Variants in JAKMIP1 observed in about 807,000 individuals in gnomAD.
JAKMIP1 encodes the protein janus kinase and microtubule interacting protein 1.
Under a neutral mutation model 113.0 loss-of-function variants are expected in JAKMIP1, and 33 were observed. The observed-to-expected ratio is 0.29, with a 90% CI of 0.22 to 0.39. The LOEUF (loss-of-function observed/expected upper bound fraction) is 0.39. Ranked by LOEUF, JAKMIP1 falls within the 10% of genes least tolerant of loss-of-function variation. The probability of loss-of-function intolerance (pLI) is 1.00; values close to 1 mark genes in which losing one functional copy is unlikely to be tolerated. For synonymous variants in JAKMIP1, 480 were observed against 459.9 expected, an observed-to-expected ratio of 1.04 and a Z score of -0.56; for missense variants, 813 against 1,080.5, an observed-to-expected ratio of 0.75 and a Z score of 3.47.
At position 6,154,528 on chromosome 4, in the gene JAKMIP1, A is replaced by G. The variant is rs927976028; in HGVS notation, c.-147-41531T>C. On this transcript the variant is annotated intron_variant, in intron 1 of 20. Coordinates refer to ENST00000409021, the MANE Select transcript of JAKMIP1 (RefSeq NM_001099433.2). The surrounding 1 kb of genome is among the most constrained non-coding windows in gnomAD (Gnocchi z 4.2). ...AAAAAAAAAAAAGCAGGGGGGATAT[A>G]AAAGGAAGAGGATGCATTTCAGCCT... Among the ~76,000 whole-genome samples the G allele has an allele frequency of 2.0e-5, 3 of 151,848 alleles. No homozygotes were observed. The highest frequency in any genetic ancestry group is 4.4e-5 in the Non-Finnish European group (3 of 67,942).
Position 6,062,445 on chromosome 4 carries a change from A to T in JAKMIP1, c.1432-5T>A. 6.2e-7 allele frequency: 1 copy of T among 1,610,144 alleles called. No individual in the cohort carries two copies. Among genetic ancestry groups the T allele is most frequent in the Non-Finnish European group, 8.5e-7 (1 of 1,177,722 alleles). ...AGCCTCCTCTCGGGCTGTGGCCTTC[A>T]CATAATGGAGAAGAAAACAAATAAT... On this transcript the variant is annotated splice_polypyrimidine_tract_variant and splice_region_variant and intron_variant, in intron 9 of 20. Coordinates refer to ENST00000409021, the MANE Select transcript of JAKMIP1 (RefSeq NM_001099433.2).
intron 8 of JAKMIP1, among the ~76,000 whole-genome samples, chr4:6,075,837 A>C (rs1367342646): frequency 6.6e-6 from 1 of 152,232 alleles, no homozygotes; most frequent in African/African-American, 2.4e-5. Context: ...ATCACGATTC[A>C]ATTCCAACCC....
rs1398895242 is a variant in JAKMIP1 at position 6,197,059 on chromosome 4, C to T, written c.-148+3194G>A. 6.6e-6 allele frequency among the ~76,000 whole-genome samples: 1 copy of T among 152,202 alleles called. No homozygotes were observed. The highest frequency in any genetic ancestry group is 1.5e-5 in the Non-Finnish European group (1 of 68,034). The stretch of plus-strand genomic sequence containing the variant: ...CTCTGCGGTGTTCACGTAGACCTCA[C>T]CCTGTGTGGTGCCCGTGCAGCAAAG... On this transcript the variant is annotated intron_variant, in intron 1 of 20. Transcript: ENST00000409021. The surrounding 1 kb of genome is among the most constrained non-coding windows in gnomAD (Gnocchi z 6.5).
intron 1 of JAKMIP1, among the ~76,000 whole-genome samples, chr4:6,170,065 C>A (rs1724222052): frequency 1.1e-5 from 1 of 91,252 alleles, no homozygotes; most frequent in South Asian, 5.3e-4. Context: ...ACTCTCATCA[C>A]CATCATTACC....
rs1721772948 is a variant in JAKMIP1 at position 6,089,665 on chromosome 4, T to A, written c.625-4036A>T. Among the ~76,000 whole-genome samples, 1 of 152,116 alleles carries A rather than the reference T, an allele frequency of 6.6e-6. No individual in the cohort carries two copies. Among genetic ancestry groups the A allele is most frequent in the Non-Finnish European group, 1.5e-5 (1 of 68,030 alleles). On this transcript the variant is annotated intron_variant, in intron 3 of 20. Coordinates refer to ENST00000409021, the MANE Select transcript of JAKMIP1 (RefSeq NM_001099433.2). The surrounding 1 kb of genome is among the most constrained non-coding windows in gnomAD (Gnocchi z 5.3). ...AAGTCCACCAGGAAATGTATCTTAG[T>A]GAAAACAAGCCCACTGACCCATGAC...
rs556555510 is a variant in JAKMIP1 at position 6,135,527 on chromosome 4, C to A, written c.-147-22530G>T. On this transcript the variant is annotated intron_variant, in intron 1 of 20. Transcript: ENST00000409021. This position sits in a 1 kb window ranked among gnomAD's most constrained non-coding sequence, Gnocchi z 4.9. ...GACTGATACAGAGATGCTCCTTGAG[C>A]TGCCCGACCCCACTCCACGGACGGG... is the stretch of plus-strand genomic sequence containing the variant. Among the ~76,000 whole-genome samples the A allele has an allele frequency of 1.3e-3, 199 of 152,280 alleles. No homozygotes were observed. Among genetic ancestry groups the A allele is most frequent in the South Asian group, 4.6e-3 (22 of 4,816 alleles).
intron 1 of JAKMIP1, among the ~76,000 whole-genome samples, chr4:6,152,481 T>C (rs2108986494): frequency 6.6e-6 from 1 of 152,278 alleles, no homozygotes; most frequent in East Asian, 1.9e-4. Context: ...AGAGTTTGTG[T>C]CCGCACGAAT....
chr4:6,032,022 G>A (rs559968783), intron 19 of JAKMIP1, among the ~76,000 whole-genome samples: 135 of 152,272 alleles, frequency 8.9e-4, no homozygotes, highest in African/African-American at 2.4e-3. Flanking sequence ...CATGCAGGGC[G>A]GCCGAGTGCT....
At chr4:6,124,820 T>C (rs1717182460) in intron 1 of JAKMIP1, among the ~76,000 whole-genome samples, 1 of 152,222 alleles carries the variant, frequency 6.6e-6, no homozygotes, top group Non-Finnish European at 1.5e-5. Flanking sequence ...CCACACCTCT[T>C]TGGGGCAAAC....
At chr4:6,110,150 C>T (rs1406974250) in intron 2 of JAKMIP1, among the ~76,000 whole-genome samples, 2 of 152,188 alleles carry the variant, frequency 1.3e-5, no homozygotes, top group South Asian at 2.1e-4. Context: ...GAAGTCCTAA[C>T]CCCCATGACC....
In JAKMIP1 at chr4:6,084,872, G is replaced by A. The variant is rs1295444685; in HGVS notation, c.928C>T (p.Leu310=). ...AGTTCATTCCTCTCATCTGCCAACA[G>A]CGTATTTCTGTCTTCCAGCTTCCGT... ...VIRKLEDRNT[L]LADERNELLK... is the part of the protein sequence containing the mutation. The change falls in exon 5 of 21, where the codon CTG becomes TTG. Residue 310 remains leucine, a synonymous_variant. Coordinates refer to ENST00000409021, the MANE Select transcript of JAKMIP1 (RefSeq NM_001099433.2). The A allele has an allele frequency of 3.1e-6, 5 of 1,601,242 alleles. No homozygotes were observed. Among genetic ancestry groups the A allele is most frequent in the Non-Finnish European group, 4.3e-6 (5 of 1,175,698 alleles).
chr4:6,192,863 C>T lies in JAKMIP1; in HGVS notation c.-148+7390G>A, dbSNP rs780858477. On this transcript the variant is annotated intron_variant, in intron 1 of 20. Coordinates refer to ENST00000409021, the MANE Select transcript of JAKMIP1 (RefSeq NM_001099433.2). This position sits in a 1 kb window ranked among gnomAD's most constrained non-coding sequence, Gnocchi z 5.0. ...TATCTGGGACAGTCAAAGACCTCCC[C>T]AAGGAGGAGAAATTTAGGCTGAGAC... Among the ~76,000 whole-genome samples the T allele has an allele frequency of 6.6e-6, 1 of 152,110 alleles. No homozygotes were observed. Among genetic ancestry groups the T allele is most frequent in the Non-Finnish European group, 1.5e-5 (1 of 68,018 alleles).
chr4:6,073,851 G>A (rs1020654335), intron 8 of JAKMIP1, among the ~76,000 whole-genome samples: 6 of 152,168 alleles, frequency 3.9e-5, no homozygotes, highest in Non-Finnish European at 5.9e-5. Flanking sequence ...AGGTGTGTGC[G>A]TAAACTGTAC....
chr4:6,054,339 G>A (rs1306226938), intron 12 of JAKMIP1, among the ~76,000 whole-genome samples, 191 bp from the exon 13 acceptor site: 1 of 152,182 alleles, frequency 6.6e-6, no homozygotes, highest in African/African-American at 2.4e-5. Flanking sequence ...TGATGCGGCT[G>A]GAAATGAAGG....
rs768992611 is a variant in JAKMIP1 at position 6,195,599 on chromosome 4, CA to C, written c.-148+4653del. On this transcript the variant is annotated intron_variant, in intron 1 of 20. Coordinates refer to ENST00000409021, the MANE Select transcript of JAKMIP1 (RefSeq NM_001099433.2). Reference sequence around the variant, plus strand: ...CTCCCTGCTCCTGTCCCCTCCCCCACAAAAGAACATGGGCTTCTTGGCTTCA... The same window carrying C: ...CTCCCTGCTCCTGTCCCCTCCCCCACAAAGAACATGGGCTTCTTGGCTTCA... Among the ~76,000 whole-genome samples the C allele has an allele frequency of 3.3e-5, 5 of 152,326 alleles. No homozygotes were observed. In the South Asian group the frequency reaches 8.3e-4, roughly 25 times the overall value.
Position 6,180,331 on chromosome 4 carries a change from TAA to T in JAKMIP1, c.-148+19920_-148+19921del. Among the ~76,000 whole-genome samples, 1 of 152,320 alleles carries T rather than the reference TAA, an allele frequency of 6.6e-6. No individual in the cohort carries two copies. The highest frequency in any genetic ancestry group is 1.9e-4 in the East Asian group (1 of 5,182). ...TTGTTTATCAACATTCAAGAGAACATAATGAAGCTTCCTTTAGAACATTCTGT... is the reference window on the plus strand; with the variant it reads ...TTGTTTATCAACATTCAAGAGAACATTGAAGCTTCCTTTAGAACATTCTGT... On this transcript the variant is annotated intron_variant, in intron 1 of 20. Coordinates refer to ENST00000409021, the MANE Select transcript of JAKMIP1 (RefSeq NM_001099433.2). The surrounding 1 kb of genome is among the most constrained non-coding windows in gnomAD (Gnocchi z 4.5).
chr4:6,196,275 T>C (rs1256378426), intron 1 of JAKMIP1, among the ~76,000 whole-genome samples: 2 of 152,216 alleles, frequency 1.3e-5, no homozygotes, highest in African/African-American at 2.4e-5. Flanking sequence ...CAAGCGCTCC[T>C]GCGTCCCACC....
chr4:6,054,065 T>C lies in JAKMIP1; in HGVS notation c.1791A>G (p.Arg597=). 1 of 1,614,160 alleles carries C rather than the reference T, an allele frequency of 6.2e-7. No individual in the cohort carries two copies. Among genetic ancestry groups the C allele is most frequent in the Non-Finnish European group, 8.5e-7 (1 of 1,179,962 alleles). Residue 597 remains arginine (R), a synonymous_variant, in exon 13 of 21, where the codon AGA becomes AGG. Coordinates refer to ENST00000409021, the MANE Select transcript of JAKMIP1 (RefSeq NM_001099433.2). ...AGTCTCTTACTTCGAGTTCTAGCAC[T>C]CTGAATTCTAACAGCTCGTTCTGAT... ...AKDQNELLEF[R]VLELEERERR... is the part of the protein sequence containing the mutation.
At chr4:6,056,797 GCAAA>G in intron 11 of JAKMIP1, 38 bp from the exon 12 acceptor site, 2 of 1,377,814 alleles carry the variant, frequency 1.5e-6, no homozygotes, top group Non-Finnish European at 2.1e-6. Flanking sequence ...ATTCATGGAA[GCAAA>G]CAGATGGTCA....
Sources: gnomAD v4.1 joint callset for allele counts (sites outside exome capture counted in the v4.1 genomes callset) on GRCh38, gnomAD v4.1.1 for gene constraint, Gnocchi (gnomAD v3.1) non-coding constraint, MANE v1.5 for transcripts, NCBI Gene and HGNC (gene_info 2026-07-23, HGNC 2026-07-21) for gene names.